Variants in TRPM3 observed in about 807,000 individuals in gnomAD.
TRPM3 encodes transient receptor potential cation channel subfamily M member 3, also known as long transient receptor potential channel 3.
A neutral mutation model predicts 181.2 loss-of-function variants in TRPM3; 77 were observed. The observed-to-expected ratio is 0.42, with a 90% CI of 0.35 to 0.51. TRPM3 has a LOEUF of 0.51. Ranked by LOEUF, TRPM3 falls within the 20% of genes least tolerant of loss-of-function variation. The probability of loss-of-function intolerance (pLI) is 0.01; values close to 1 mark genes in which losing one functional copy is unlikely to be tolerated. For missense variants in TRPM3, 1,759 were observed against 2,196.7 expected (o/e 0.80, Z 3.98); for synonymous variants, 745 against 796.4 (o/e 0.94, Z 1.09).
At chr9:70,566,132 A>G (rs1451641276) in intron 22 of TRPM3, among the ~76,000 whole-genome samples, 2 of 152,188 alleles carry the variant, frequency 1.3e-5, no homozygotes, top group African/African-American at 2.4e-5. Flanking sequence ...AGCATAATAG[A>G]TAAATAAGCT....
chr9:71,123,710 C>T (rs10512010), upstream of TRPM3, among the ~76,000 whole-genome samples: 71,212 of 151,996 alleles, frequency 0.47, 16,799 homozygotes, highest in South Asian at 0.5. Flanking sequence ...GCAAGGGCAG[C>T]GTGGTTTTCC....
intron 22 of TRPM3, among the ~76,000 whole-genome samples, chr9:70,577,262 G>A (rs1241324121): frequency 1.3e-5 from 2 of 152,234 alleles, no homozygotes. Context: ...TCCAGGCACT[G>A]CAGTGAGGTA....
intron 5 of TRPM3, among the ~76,000 whole-genome samples, chr9:70,830,975 C>T (rs563836358): frequency 3.6e-4 from 55 of 152,072 alleles, no homozygotes; most frequent in African/African-American, 1.2e-3. Flanking sequence ...TTGTTTTGCA[C>T]GAGATAGAAA....
At chr9:70,960,889 G>A (rs1356456721) in intron 1 of TRPM3, among the ~76,000 whole-genome samples, 1 of 152,116 alleles carries the variant, frequency 6.6e-6, no homozygotes, top group African/African-American at 2.4e-5. Flanking sequence ...CAATGATTTT[G>A]TGCTGTGTAG....
chr9:71,007,235 G>C (rs1371240487), intron 1 of TRPM3, among the ~76,000 whole-genome samples: 2 of 151,882 alleles, frequency 1.3e-5, no homozygotes, highest in African/African-American at 2.4e-5. Context: ...GACCTAAAAG[G>C]AGAGATTGAC....
At chr9:71,187,313 T>C (rs2077735989) in intron 1 of TRPM3, among the ~76,000 whole-genome samples, 2 of 152,014 alleles carry the variant, frequency 1.3e-5, no homozygotes, top group Non-Finnish European at 2.9e-5. Context: ...TTTCAATACA[T>C]AGTTTGAAGT....
chr9:70,673,772 C>CA (rs778385314), intron 9 of TRPM3, among the ~76,000 whole-genome samples: 20 of 150,798 alleles, frequency 1.3e-4, no homozygotes, highest in African/African-American at 2.9e-4. Flanking sequence ...ACTGAAAATA[C>CA]AAAAAAAATA....
At chr9:71,282,145 G>A (rs866575850) in intron 1 of TRPM3, among the ~76,000 whole-genome samples, 10 of 122,706 alleles carry the variant, frequency 8.1e-5, no homozygotes, top group East Asian at 2.6e-4. Context: ...AGAAAGAAAG[G>A]AAAGAAAGAA....
At chr9:71,388,767 A>G (rs779292154) in intron 1 of TRPM3, among the ~76,000 whole-genome samples, 2 of 152,068 alleles carry the variant, frequency 1.3e-5, no homozygotes, top group Non-Finnish European at 2.9e-5. Flanking sequence ...TTTTTTCTTC[A>G]ATTTCCCTAA....
intron 1 of TRPM3, among the ~76,000 whole-genome samples, chr9:71,379,492 T>G (rs2092743853): frequency 6.6e-6 from 1 of 151,988 alleles, no homozygotes; most frequent in African/African-American, 2.4e-5. Flanking sequence ...ACACATAAAT[T>G]TTGGTGTTAC....
intron 1 of TRPM3, among the ~76,000 whole-genome samples, chr9:71,286,748 T>A (rs1437272891): frequency 6.6e-6 from 1 of 151,690 alleles, no homozygotes. Flanking sequence ...GGATTCAATC[T>A]TGTACCAATC....
At chr9:71,167,465 A>G (rs1279147337) in intron 1 of TRPM3, among the ~76,000 whole-genome samples, 1 of 152,184 alleles carries the variant, frequency 6.6e-6, no homozygotes, top group African/African-American at 2.4e-5. Context: ...AAACAACAAC[A>G]TATCACACCC....
At chr9:71,388,948 A>G (rs1396791388) in intron 1 of TRPM3, among the ~76,000 whole-genome samples, 1 of 152,124 alleles carries the variant, frequency 6.6e-6, no homozygotes, top group Non-Finnish European at 1.5e-5. Flanking sequence ...AAATTATAGC[A>G]AAACAACAGC....
intron 1 of TRPM3, among the ~76,000 whole-genome samples, chr9:71,166,790 G>A (rs143986789): frequency 1.2e-4 from 19 of 152,244 alleles, no homozygotes; most frequent in East Asian, 9.6e-4. Context: ...CTTTGATTAC[G>A]TAAAAGTAAA....
At chr9:71,285,817 A>G (rs2085236016) in intron 1 of TRPM3, among the ~76,000 whole-genome samples, 1 of 152,164 alleles carries the variant, frequency 6.6e-6, no homozygotes, top group African/African-American at 2.4e-5. Context: ...TTCACTGAGG[A>G]CTATCACCTA....
intron 3 of TRPM3, among the ~76,000 whole-genome samples, chr9:70,857,299 C>T (rs2095411705): frequency 6.6e-6 from 1 of 151,558 alleles, no homozygotes; most frequent in South Asian, 2.1e-4. Flanking sequence ...CTTCTTCCTG[C>T]GTCACAATTT....
chr9:71,289,540 T>A (rs1209760504), intron 1 of TRPM3, among the ~76,000 whole-genome samples: 2 of 151,900 alleles, frequency 1.3e-5, no homozygotes, highest in African/African-American at 2.4e-5. Context: ...AGTAGGAAAA[T>A]CATAGTTAAC....
intron 6 of TRPM3, among the ~76,000 whole-genome samples, chr9:70,801,006 G>T (rs2088833363): frequency 6.6e-6 from 1 of 152,224 alleles, no homozygotes; most frequent in Non-Finnish European, 1.5e-5. Context: ...GAAATCTACA[G>T]TCTGAATTCT....
intron 7 of TRPM3, among the ~76,000 whole-genome samples, chr9:70,783,660 A>C (rs960292986): frequency 2.0e-5 from 3 of 152,142 alleles, no homozygotes; most frequent in Non-Finnish European, 4.4e-5. Context: ...ACATATCTTC[A>C]CAGTGGCTTC....
Sources: gnomAD v4.1 joint callset for allele counts (sites outside exome capture counted in the v4.1 genomes callset) on GRCh38, gnomAD v4.1.1 for gene constraint, MANE v1.5 for transcripts, NCBI Gene and HGNC (gene_info 2026-07-23, HGNC 2026-07-21) for gene names.